The following SLC68A1 variants were observed in gnomAD, a reference collection of about 807,000 sequenced individuals.
SLC68A1 encodes the protein solute carrier family 68 member 1.
chr10:102,466,637 C>A, the SLC68A1 span, among the ~76,000 whole-genome samples: 2 of 148,104 alleles, frequency 1.4e-5, no homozygotes, highest in East Asian at 3.9e-4. Flanking sequence ...AAGGTCATAC[C>A]TGTTCCATCT....
chr10:102,471,985 C>A, the SLC68A1 span: 2 of 455,600 alleles, frequency 4.4e-6, no homozygotes, highest in African/African-American at 2.0e-5. Flanking sequence ...CTTTGGGGAC[C>A]CTCTAACAAT....
At chr10:102,469,866 A>C in the SLC68A1 span, 1 of 1,440,086 alleles carries the variant, frequency 6.9e-7, no homozygotes, top group South Asian at 1.4e-5. Context: ...AGGAACTGAC[A>C]CCAGCAAAGG....
chr10:102,471,724 A>G, the SLC68A1 span, among the ~76,000 whole-genome samples: 1 of 150,926 alleles, frequency 6.6e-6, no homozygotes, highest in African/African-American at 2.4e-5. Flanking sequence ...GCACCACTGT[A>G]CTCCAGTCTG....
At chr10:102,465,281 C>T in the SLC68A1 span, among the ~76,000 whole-genome samples, 11 of 150,256 alleles carry the variant, frequency 7.3e-5, no homozygotes, top group Non-Finnish European at 1.3e-4. Context: ...AAAAATTAGC[C>T]GAGTGTGGTG....
At chr10:102,465,780 T>C in the SLC68A1 span, among the ~76,000 whole-genome samples, 1 of 152,130 alleles carries the variant, frequency 6.6e-6, no homozygotes, top group Admixed American at 6.6e-5. Flanking sequence ...GGAGGGCAAG[T>C]GGGAGAAGGC....
the SLC68A1 span, chr10:102,476,096 A>C: frequency 8.3e-7 from 1 of 1,203,812 alleles, no homozygotes; most frequent in South Asian, 2.1e-5. Flanking sequence ...TTTTTTTTGG[A>C]GCTGTTGCCC....
chr10:102,472,760 G>GGA, the SLC68A1 span: 1 of 893,726 alleles, frequency 1.1e-6, no homozygotes, highest in East Asian at 2.4e-5. Flanking sequence ...CTGAGGATGG[G>GGA]GAGTTGGGGG....
At chr10:102,467,372 A>G in the SLC68A1 span, among the ~76,000 whole-genome samples, 1 of 152,200 alleles carries the variant, frequency 6.6e-6, no homozygotes, top group Non-Finnish European at 1.5e-5. Context: ...TCAGAAAAGC[A>G]GTGTCGAGGG....
chr10:102,471,083 G>C, the SLC68A1 span: 2 of 1,613,910 alleles, frequency 1.2e-6, no homozygotes, highest in Non-Finnish European at 1.7e-6. Flanking sequence ...GGCCCGAAAG[G>C]ACCCAGGGTG....
the SLC68A1 span, chr10:102,469,282 T>C: frequency 4.3e-6 from 6 of 1,402,292 alleles, no homozygotes; most frequent in South Asian, 6.0e-5. Flanking sequence ...AGATTGCAGG[T>C]GCCTGGTCCC....
chr10:102,467,526 G>A, the SLC68A1 span, among the ~76,000 whole-genome samples: 1 of 152,002 alleles, frequency 6.6e-6, no homozygotes, highest in African/African-American at 2.4e-5. Context: ...AAGCTTTGAG[G>A]AAAAAAAGAA....
the SLC68A1 span, among the ~76,000 whole-genome samples, chr10:102,467,183 C>A: frequency 5.3e-5 from 8 of 152,086 alleles, no homozygotes; most frequent in African/African-American, 1.9e-4. Context: ...ATTACAGGCG[C>A]CCGCCACCAC....
chr10:102,475,352 C>T, the SLC68A1 span, among the ~76,000 whole-genome samples: 1 of 150,306 alleles, frequency 6.7e-6, no homozygotes, highest in African/African-American at 2.4e-5. Context: ...CATAGGGAGG[C>T]CAGAATGGGG....
At chr10:102,475,614 C>T in the SLC68A1 span, 1 of 1,317,916 alleles carries the variant, frequency 7.6e-7, no homozygotes, top group Admixed American at 2.3e-5. Context: ...GAGTTGTGGT[C>T]TGGACACGTC....
At chr10:102,470,078 T>G in the SLC68A1 span, 1 of 1,613,528 alleles carries the variant, frequency 6.2e-7, no homozygotes, top group Non-Finnish European at 8.5e-7. Context: ...CAGCCCCGGT[T>G]GGTGTATTGG....
At chr10:102,470,222 G>A in the SLC68A1 span, 3 of 780,182 alleles carry the variant, frequency 3.8e-6, no homozygotes, top group East Asian at 8.1e-5. Context: ...GGGGTCCAGG[G>A]TGCTCTGTTT....
the SLC68A1 span, chr10:102,469,292 C>T: frequency 3.9e-6 from 5 of 1,295,790 alleles, no homozygotes; most frequent in Non-Finnish European, 5.5e-6. Flanking sequence ...TGCCTGGTCC[C>T]ACCCAGTCAG....
the SLC68A1 span, chr10:102,469,105 A>C: frequency 6.1e-5 from 99 of 1,613,808 alleles, no homozygotes; most frequent in Non-Finnish European, 1.0e-5. Flanking sequence ...GGCTCTCTTC[A>C]CCACCATCCT....
the SLC68A1 span, among the ~76,000 whole-genome samples, chr10:102,470,367 C>T: frequency 6.6e-6 from 1 of 152,116 alleles, no homozygotes; most frequent in African/African-American, 2.4e-5. Flanking sequence ...ATTCCTTTGC[C>T]CCATCCCTGC....
Sources: gnomAD v4.1 joint callset for allele counts (sites outside exome capture counted in the v4.1 genomes callset) on GRCh38, gnomAD v4.1.1 for gene constraint, MANE v1.5 for transcripts, NCBI Gene and HGNC (gene_info 2026-07-23, HGNC 2026-07-21) for gene names.